GPC5: variants seen among roughly 807,000 people sequenced by gnomAD.
The protein encoded by GPC5 is glypican 5, also known as glypican-5.
In GPC5, 47 loss-of-function variants were observed where a neutral mutation model predicts 53.9. The ratio of observed to expected loss-of-function variants is 0.87; its 90% CI spans 0.69 to 1.11. The LOEUF (loss-of-function observed/expected upper bound fraction) is 1.11. GPC5 is among the 50% of genes most tolerant of loss of function. The pLI is 0.00. For missense variants in GPC5, 748 were observed against 713.1 expected (o/e 1.05, Z -0.56); for synonymous variants, 286 against 263.3 (o/e 1.09, Z -0.84).
At chr13:91,630,813 G>A (rs2034137509) in intron 2 of GPC5, among the ~76,000 whole-genome samples, 1 of 152,058 alleles carries the variant, frequency 6.6e-6, no homozygotes, top group South Asian at 2.1e-4. Context: ...GAAAGAAAGG[G>A]GGTCAAGAAG....
intron 3 of GPC5, among the ~76,000 whole-genome samples, chr13:91,700,776 C>T (rs529217050): frequency 3.9e-5 from 6 of 152,278 alleles, no homozygotes; most frequent in Admixed American, 2.0e-4. Context: ...AATCAAATTA[C>T]GTGTCAAATG....
intron 6 of GPC5, among the ~76,000 whole-genome samples, chr13:92,024,601 T>C (rs144059368): frequency 1.1e-3 from 171 of 152,278 alleles, no homozygotes; most frequent in African/African-American, 3.9e-3. Flanking sequence ...CTCTCTGTTT[T>C]TAGAGTGGTA....
intron 7 of GPC5, among the ~76,000 whole-genome samples, chr13:92,844,548 G>C (rs1428341520): frequency 1.3e-5 from 2 of 152,044 alleles, no homozygotes; most frequent in African/African-American, 4.8e-5. Context: ...GTGTGTGTGT[G>C]TGTGTGTGTA....
chr13:91,643,934 A>G (rs911172568), intron 2 of GPC5, among the ~76,000 whole-genome samples: 3 of 151,900 alleles, frequency 2.0e-5, no homozygotes, highest in African/African-American at 7.3e-5. Context: ...CAAGCTCAAA[A>G]GTCACATTTT....
intron 7 of GPC5, among the ~76,000 whole-genome samples, chr13:92,337,704 G>A (rs1196129494): frequency 2.0e-5 from 3 of 152,122 alleles, no homozygotes; most frequent in African/African-American, 7.2e-5. Context: ...ATGCGATGGT[G>A]CAAAATAGTC....
intron 7 of GPC5, among the ~76,000 whole-genome samples, chr13:92,663,745 A>C (rs1886444132): frequency 7.1e-6 from 1 of 141,770 alleles, no homozygotes; most frequent in Non-Finnish European, 1.5e-5. Context: ...TACTATATAT[A>C]TCTCTACTAA....
intron 5 of GPC5, among the ~76,000 whole-genome samples, chr13:91,826,249 G>A (rs866433428): frequency 3.9e-5 from 6 of 152,008 alleles, no homozygotes; most frequent in South Asian, 4.1e-4. Context: ...TATTAAATAC[G>A]TTCAAGCACT....
intron 6 of GPC5, among the ~76,000 whole-genome samples, chr13:92,120,332 T>A (rs1566443989): frequency 6.6e-6 from 1 of 152,290 alleles, no homozygotes; most frequent in East Asian, 1.9e-4. Context: ...GCATGATCAA[T>A]CACTGTAGCC....
chr13:91,903,934 T>A (rs2039524703), intron 5 of GPC5, among the ~76,000 whole-genome samples: 1 of 152,032 alleles, frequency 6.6e-6, no homozygotes, highest in South Asian at 2.1e-4. Context: ...AATAGCTTAA[T>A]TAAAATTAAG....
chr13:91,624,868 T>C (rs1483836842), intron 2 of GPC5, among the ~76,000 whole-genome samples: 1 of 151,828 alleles, frequency 6.6e-6, no homozygotes, highest in African/African-American at 2.4e-5. Context: ...GAATACTTTA[T>C]ATAACCAAAT....
chr13:91,586,369 A>G (rs1257403699), intron 2 of GPC5, among the ~76,000 whole-genome samples: 1 of 148,432 alleles, frequency 6.7e-6, no homozygotes, highest in Non-Finnish European at 1.5e-5. Flanking sequence ...TCACACTGCT[A>G]TAAAGAACTA....
chr13:92,520,964 C>T (rs1435023605), intron 7 of GPC5, among the ~76,000 whole-genome samples: 2 of 152,144 alleles, frequency 1.3e-5, no homozygotes, highest in Non-Finnish European at 2.9e-5. Flanking sequence ...GCAAAAATCA[C>T]AAGCATTCTT....
chr13:92,372,377 T>C (rs2139295777), intron 7 of GPC5, among the ~76,000 whole-genome samples: 1 of 152,334 alleles, frequency 6.6e-6, no homozygotes, highest in South Asian at 2.1e-4. Flanking sequence ...AATCGATAGA[T>C]TGTTTCAGGA....
intron 2 of GPC5, among the ~76,000 whole-genome samples, chr13:91,582,671 T>C (rs780107407): frequency 3.3e-5 from 5 of 152,112 alleles, no homozygotes; most frequent in African/African-American, 7.2e-5. Flanking sequence ...AGGAGGGCAA[T>C]TATGGCATCC....
At chr13:92,341,497 A>G (rs1028475368) in intron 7 of GPC5, among the ~76,000 whole-genome samples, 4 of 152,200 alleles carry the variant, frequency 2.6e-5, no homozygotes, top group Non-Finnish European at 4.4e-5. Flanking sequence ...ATAATTTCAA[A>G]GTAATGCTAT....
At position 91,897,335 on chromosome 13, in the gene GPC5, C is replaced by CTGTGTGTG. The variant is rs34783532; in HGVS notation, c.1281-10575_1281-10568dup. On this transcript the variant is annotated intron_variant, in intron 5 of 7. Coordinates refer to ENST00000377067, the MANE Select transcript of GPC5 (RefSeq NM_004466.6). ...AAAGTAGAAGTAAATATAGAGAATG[C>CTGTGTGTG]TGTGTGTGTGTGTGTGTGTGTGTGT... Among the ~76,000 whole-genome samples the CTGTGTGTG allele has an allele frequency of 3.0e-3, 424 of 139,418 alleles. 5 individuals are homozygous for CTGTGTGTG. In the East Asian group the frequency reaches 0.032, roughly 11 times the overall value. 91.5% of individuals were successfully genotyped at this position (139,418 alleles called of 152,430 possible).
At chr13:91,540,301 T>G (rs1430285652) in intron 2 of GPC5, among the ~76,000 whole-genome samples, 1 of 152,234 alleles carries the variant, frequency 6.6e-6, no homozygotes, top group African/African-American at 2.4e-5. Flanking sequence ...TTCTCTGCCT[T>G]GTAAGACCTG....
intron 2 of GPC5, among the ~76,000 whole-genome samples, chr13:91,689,798 A>G (rs1158382391): frequency 6.6e-6 from 1 of 152,128 alleles, no homozygotes; most frequent in African/African-American, 2.4e-5. Flanking sequence ...CTCCTGTGAT[A>G]ACAATGCCTT....
At chr13:92,280,172 T>G (rs2042904409) in intron 7 of GPC5, among the ~76,000 whole-genome samples, 1 of 152,162 alleles carries the variant, frequency 6.6e-6, no homozygotes, top group Non-Finnish European at 1.5e-5. Flanking sequence ...TAATTTGTTG[T>G]CATATAATTA....
Sources: gnomAD v4.1 joint callset for allele counts (sites outside exome capture counted in the v4.1 genomes callset) on GRCh38, gnomAD v4.1.1 for gene constraint, MANE v1.5 for transcripts, NCBI Gene and HGNC (gene_info 2026-07-23, HGNC 2026-07-21) for gene names.